The following PDE1C variants were observed in gnomAD, a reference collection of about 807,000 sequenced individuals.
PDE1C encodes phosphodiesterase 1C.
PDE1C carries 62 observed loss-of-function variants against 93.1 expected under a neutral mutation model. The ratio of observed to expected loss-of-function variants is 0.67; its 90% confidence interval spans 0.54 to 0.82. The LOEUF is 0.82. Ranked by LOEUF, PDE1C falls within the 40% of genes least tolerant of loss-of-function variation. The pLI is 0.00. For synonymous variants in PDE1C, 325 were observed against 310.1 expected, an observed-to-expected ratio of 1.05 and a Z score of -0.50; for missense variants, 742 against 884.6, an observed-to-expected ratio of 0.84 and a Z score of 2.04.
chr7:32,276,099 A>G (rs148224242), intron 1 of PDE1C, among the ~76,000 whole-genome samples: 85 of 152,334 alleles, frequency 5.6e-4, no homozygotes, highest in African/African-American at 2.0e-3. Flanking sequence ...TTACAATACT[A>G]TTCCTGATAA....
intron 2 of PDE1C, among the ~76,000 whole-genome samples, chr7:32,174,342 G>A (rs1802843871): frequency 6.6e-6 from 1 of 152,066 alleles, no homozygotes; most frequent in South Asian, 2.1e-4. Context: ...TGGTTCCCAA[G>A]GGAACCCACA....
intron 1 of PDE1C, among the ~76,000 whole-genome samples, chr7:32,287,728 T>C (rs1379143846): frequency 2.6e-5 from 4 of 152,222 alleles, no homozygotes; most frequent in African/African-American, 4.8e-5. Flanking sequence ...TACCTGGGAA[T>C]GTGGGCTTGA....
At chr7:32,294,810 T>C (rs541358129) in intron 1 of PDE1C, among the ~76,000 whole-genome samples, 3 of 152,238 alleles carry the variant, frequency 2.0e-5, no homozygotes, top group African/African-American at 7.2e-5. Flanking sequence ...CTCACCAGAG[T>C]CAATTTACAC....
intron 1 of PDE1C, among the ~76,000 whole-genome samples, chr7:32,063,294 A>G (rs1795019604): frequency 6.6e-6 from 1 of 152,240 alleles, no homozygotes; most frequent in African/African-American, 2.4e-5. Flanking sequence ...GCATTAACCT[A>G]ATAACAATTA....
chr7:32,377,056 T>C (rs549430145), intron 1 of PDE1C, among the ~76,000 whole-genome samples: 3 of 152,050 alleles, frequency 2.0e-5, no homozygotes, highest in Non-Finnish European at 4.4e-5. Flanking sequence ...AGGACCCAGG[T>C]AGGAATCACT....
chr7:32,268,908 G>T (rs566996305), intron 1 of PDE1C, among the ~76,000 whole-genome samples: 4 of 152,110 alleles, frequency 2.6e-5, no homozygotes, highest in Non-Finnish European at 5.9e-5. Context: ...GGACCAGATA[G>T]CTAATTTATT....
the PDE1C span, among the ~76,000 whole-genome samples, chr7:31,618,872 T>G: frequency 6.6e-6 from 1 of 152,220 alleles, no homozygotes; most frequent in Non-Finnish European, 1.5e-5. Flanking sequence ...TTATAAAATA[T>G]GCTTTGTTGT....
intron 1 of PDE1C, among the ~76,000 whole-genome samples, chr7:32,424,952 G>A (rs966184968): frequency 2.6e-5 from 4 of 152,114 alleles, no homozygotes; most frequent in Non-Finnish European, 5.9e-5. Flanking sequence ...GACAACCTGT[G>A]TTTAAAGTAT....
intron 3 of PDE1C, among the ~76,000 whole-genome samples, chr7:32,134,460 T>A (rs903281381): frequency 6.6e-6 from 1 of 151,884 alleles, no homozygotes; most frequent in African/African-American, 2.4e-5. Flanking sequence ...AATGGAGATG[T>A]CAACTAGAAA....
chr7:32,175,803 T>G (rs1802948781), intron 2 of PDE1C, among the ~76,000 whole-genome samples: 1 of 152,230 alleles, frequency 6.6e-6, no homozygotes, highest in Non-Finnish European at 1.5e-5. Context: ...TTTCACTATC[T>G]TGGAACTACT....
intron 16 of PDE1C, among the ~76,000 whole-genome samples, chr7:31,801,343 A>G (rs749076345): frequency 2.0e-5 from 3 of 151,430 alleles, no homozygotes; most frequent in Non-Finnish European, 3.0e-5. Context: ...CATCCTTTCA[A>G]TTTAATTCTA....
chr7:32,240,406 T>G (rs953299221), intron 1 of PDE1C, among the ~76,000 whole-genome samples: 3 of 152,090 alleles, frequency 2.0e-5, no homozygotes, highest in African/African-American at 7.2e-5. Flanking sequence ...TTTGCAGAGC[T>G]TACAAGAGGA....
chr7:31,642,001 ACT>A, the PDE1C span, among the ~76,000 whole-genome samples: 1 of 151,692 alleles, frequency 6.6e-6, no homozygotes, highest in Non-Finnish European at 1.5e-5. Context: ...TTTTAACTGA[ACT>A]CTCTGACAAT....
At chr7:32,095,854 C>T (rs1400778741) in intron 3 of PDE1C, among the ~76,000 whole-genome samples, 1 of 152,160 alleles carries the variant, frequency 6.6e-6, no homozygotes, top group East Asian at 1.9e-4. Flanking sequence ...AATAGGCAGT[C>T]GACTTACAGA....
chr7:32,188,031 A>T (rs1457801201), intron 2 of PDE1C, among the ~76,000 whole-genome samples: 1 of 152,126 alleles, frequency 6.6e-6, no homozygotes, highest in African/African-American at 2.4e-5. Flanking sequence ...GATACACAAG[A>T]ACAACAACTT....
At chr7:32,368,383 G>A (rs1034519385) in intron 1 of PDE1C, among the ~76,000 whole-genome samples, 16 of 152,096 alleles carry the variant, frequency 1.1e-4, no homozygotes, top group South Asian at 6.2e-4. Context: ...AAAAGAAATC[G>A]AGAAGACGAT....
At chr7:31,944,183 G>A (rs560808213) in intron 2 of PDE1C, among the ~76,000 whole-genome samples, 48 of 152,102 alleles carry the variant, frequency 3.2e-4, no homozygotes, top group Middle Eastern at 6.8e-3. Flanking sequence ...ACACACCCTC[G>A]ACCACACATG....
intron 1 of PDE1C, among the ~76,000 whole-genome samples, chr7:32,350,579 TATATATATATA>T (rs1429362864): frequency 1.5e-3 from 1 of 682 alleles, no homozygotes; most frequent in African/African-American, 1.8e-3. Context: ...TATATATATA[TATATATATATA>T]TTTTTTTTTT....
chr7:32,268,442 A>G (rs541890623), intron 1 of PDE1C, among the ~76,000 whole-genome samples: 58 of 152,338 alleles, frequency 3.8e-4, no homozygotes, highest in Admixed American at 3.3e-3. Context: ...TATATAAAGC[A>G]TAGCACATAA....
Sources: gnomAD v4.1 joint callset for allele counts (sites outside exome capture counted in the v4.1 genomes callset) on GRCh38, gnomAD v4.1.1 for gene constraint, MANE v1.5 for transcripts, NCBI Gene and HGNC (gene_info 2026-07-23, HGNC 2026-07-21) for gene names.